The following RSF1 variants were observed in gnomAD, a reference collection of about 807,000 sequenced individuals.
RSF1 encodes the protein HBV pX-associated protein 8.
A neutral mutation model predicts 145.2 loss-of-function variants in RSF1; 13 were observed. The observed-to-expected ratio is 0.09, with a 90% CI of 0.06 to 0.14. The LOEUF (loss-of-function observed/expected upper bound fraction) is 0.14. Ranked by LOEUF, RSF1 falls within the 10% of genes least tolerant of loss-of-function variation. The pLI, the probability that RSF1 is intolerant of heterozygous loss-of-function variation, is 1.00. For synonymous variants in RSF1, 577 were observed against 592.6 expected (o/e 0.97, Z 0.38); for missense variants, 1,517 against 1,718.2 (o/e 0.88, Z 2.07).
chr11:77,693,684 T>C (rs999108906), intron 7 of RSF1, 73 bp from the exon 8 acceptor site: 1 of 976,034 alleles, frequency 1.0e-6, no homozygotes, highest in Non-Finnish European at 1.6e-6. Context: ...GACGTTTCAA[T>C]ATCTCTGAGT....
In RSF1 at chr11:77,663,051, T is replaced by C. The variant is rs941095223; in HGVS notation, c.*3866A>G. ...CACACACACATATACACATGTACCA[T>C]TTAACTCTGGGTCTTTGAATAGTTG... On this transcript the variant is annotated 3_prime_UTR_variant, in exon 16 of 16. Coordinates refer to ENST00000308488, the MANE Select transcript of RSF1 (RefSeq NM_016578.4). 6.6e-5 allele frequency: 10 copies of C among 152,122 alleles called. No homozygotes were observed. The highest frequency in any genetic ancestry group is 2.1e-4 in the South Asian group (1 of 4,820). 9.4% of individuals were successfully genotyped at this position (152,122 alleles called of 1,614,324 possible).
the RSF1 span, among the ~76,000 whole-genome samples, chr11:77,847,304 G>A: frequency 6.6e-6 from 1 of 152,152 alleles, no homozygotes. Context: ...TTCAGAGGAT[G>A]TTTATTTTTA....
chr11:77,772,319 AC>A (rs1948294239), intron 1 of RSF1, among the ~76,000 whole-genome samples: 1 of 151,960 alleles, frequency 6.6e-6, no homozygotes, highest in African/African-American at 2.4e-5. Context: ...ATAAGTAGGC[AC>A]CACCATATGT....
At chr11:77,848,550 G>C in the RSF1 span, among the ~76,000 whole-genome samples, 1 of 151,992 alleles carries the variant, frequency 6.6e-6, no homozygotes, top group Non-Finnish European at 1.5e-5. Flanking sequence ...AGTAGAGGTG[G>C]GGTTTCACCA....
At chr11:77,677,986 G>A (rs973737626) in intron 12 of RSF1, 100 bp downstream of exon 12, 40 of 788,296 alleles carry the variant, frequency 5.1e-5, no homozygotes, top group Middle Eastern at 2.3e-4. Context: ...GATACATAAC[G>A]GGAAAGAGAA....
chr11:77,698,135 C>A (rs1960328320), intron 7 of RSF1, among the ~76,000 whole-genome samples: 1 of 152,078 alleles, frequency 6.6e-6, no homozygotes. Context: ...CATGTGGCCA[C>A]CATGCCAGGC....
intron 1 of RSF1, among the ~76,000 whole-genome samples, chr11:77,797,979 T>C (rs1452239958): frequency 6.6e-6 from 1 of 152,174 alleles, no homozygotes; most frequent in Non-Finnish European, 1.5e-5. Context: ...CCAGTTAGAA[T>C]GGCAATCATT....
intron 5 of RSF1, among the ~76,000 whole-genome samples, chr11:77,711,143 T>TAAAAAA (rs60863404): frequency 3.7e-5 from 5 of 134,526 alleles, no homozygotes; most frequent in African/African-American, 8.4e-5. Flanking sequence ...ATTTTTAACT[T>TAAAAAA]AAAAAAAAAA....
intron 4 of RSF1, among the ~76,000 whole-genome samples, chr11:77,736,364 T>C (rs1961352939): frequency 6.6e-6 from 1 of 152,240 alleles, no homozygotes; most frequent in Non-Finnish European, 1.5e-5. Context: ...TCATCTTCTT[T>C]GTGGTTGTTC....
At chr11:77,803,444 G>C (rs1383276451) in intron 1 of RSF1, among the ~76,000 whole-genome samples, 2 of 151,192 alleles carry the variant, frequency 1.3e-5, no homozygotes, top group Non-Finnish European at 2.9e-5. Context: ...ACTGTGCCTA[G>C]TCAAGAGTGA....
At position 77,676,885 on chromosome 11, in the gene RSF1, G is replaced by C; in HGVS notation, c.3248C>G (p.Ala1083Gly). The C allele has an allele frequency of 3.7e-6, 6 of 1,614,076 alleles. No individual in the cohort carries two copies. Among genetic ancestry groups the C allele is most frequent in the Non-Finnish European group, 5.1e-6 (6 of 1,180,010 alleles). Residue 1083 changes from alanine to glycine, a missense_variant, in exon 13 of 16, where the codon GCT becomes GGT. Transcript: ENST00000308488. ...ENKRPQRAAAARRKKRRRLND... is the reference protein window; with the variant it reads ...ENKRPQRAAAGRRKKRRRLND... Reference sequence around the variant, plus strand: ...TAATCGCCGGCGTTTCTTCCTTCGAGCAGCAGCTGCCCTCTGGGGTCGTTT... The same window carrying C: ...TAATCGCCGGCGTTTCTTCCTTCGACCAGCAGCTGCCCTCTGGGGTCGTTT...
intron 5 of RSF1, among the ~76,000 whole-genome samples, chr11:77,719,073 C>T (rs1356522610): frequency 1.3e-5 from 2 of 151,860 alleles, no homozygotes; most frequent in Admixed American, 6.6e-5. Flanking sequence ...ATAGTGAGAC[C>T]CTGTCTCTAC....
At chr11:77,836,919 C>G in the RSF1 span, among the ~76,000 whole-genome samples, 1 of 152,042 alleles carries the variant, frequency 6.6e-6, no homozygotes, top group Non-Finnish European at 1.5e-5. Context: ...GAGCCAAGAT[C>G]GCGCCATTGC....
chr11:77,771,072 G>C (rs563024300), intron 1 of RSF1, among the ~76,000 whole-genome samples: 3 of 152,042 alleles, frequency 2.0e-5, no homozygotes, highest in Non-Finnish European at 4.4e-5. Context: ...TCAATTTAAC[G>C]ATCATAGAGA....
At chr11:77,738,610 T>C (rs1171942718) in intron 4 of RSF1, 1 of 152,214 alleles carries the variant, frequency 6.6e-6, no homozygotes, top group African/African-American at 2.4e-5. Flanking sequence ...GATTCAAACA[T>C]AACTGTTAAC....
In RSF1 at chr11:77,665,115, G is replaced by C. The variant is rs543561606; in HGVS notation, c.*1802C>G. 8.5e-5 allele frequency: 13 copies of C among 152,216 alleles called. 1 individual carries two copies. In the South Asian group the frequency reaches 2.7e-3, roughly 32 times the overall value. 9.4% of individuals were successfully genotyped at this position (152,216 alleles called of 1,614,324 possible). On this transcript the variant is annotated 3_prime_UTR_variant, in exon 16 of 16. Coordinates refer to ENST00000308488, the MANE Select transcript of RSF1 (RefSeq NM_016578.4). ...TAGCTATAAACTTTCAAGGCCAAAA[G>C]ATAAGATTTAAGGGCAATACCTGTT...
At chr11:77,837,498 A>G in the RSF1 span, among the ~76,000 whole-genome samples, 1 of 152,024 alleles carries the variant, frequency 6.6e-6, no homozygotes, top group East Asian at 1.9e-4. Flanking sequence ...TCTGTCACCC[A>G]GGCTGGAGTG....
At chr11:77,762,798 T>C (rs552619372) in intron 2 of RSF1, 3 of 152,316 alleles carry the variant, frequency 2.0e-5, no homozygotes, top group African/African-American at 7.2e-5. Context: ...ATATTAATTA[T>C]ATTCCATTTA....
the RSF1 span, chr11:77,850,598 G>T: frequency 1.4e-4 from 21 of 152,042 alleles, no homozygotes; most frequent in Admixed American, 1.2e-3. Flanking sequence ...GCCACACAAA[G>T]AAAACTAAAG....
Sources: allele counts gnomAD v4.1 joint callset (sites outside exome capture counted in the v4.1 genomes callset), GRCh38; gene constraint gnomAD v4.1.1; transcripts MANE v1.5; gene names NCBI Gene and HGNC (gene_info 2026-07-23, HGNC 2026-07-21).